The following GMDS variants were observed in gnomAD, a reference collection of about 807,000 sequenced individuals.
The protein encoded by GMDS is GDP-mannose 4,6 dehydratase.
A neutral mutation model predicts 49.9 loss-of-function variants in GMDS; 20 were observed. The ratio of observed to expected loss-of-function variants is 0.40; its 90% CI spans 0.28 to 0.58. The LOEUF is 0.58. GMDS is among the 20% of genes least tolerant of loss of function. The pLI is 0.42. For synonymous variants in GMDS, 177 were observed against 178.6 expected, an observed-to-expected ratio of 0.99 and a Z score of 0.07; for missense variants, 362 against 481.4, an observed-to-expected ratio of 0.75 and a Z score of 2.32.
At chr6:1,975,236 T>C (rs781200869) in intron 4 of GMDS, among the ~76,000 whole-genome samples, 13 of 152,168 alleles carry the variant, frequency 8.5e-5, no homozygotes, top group Non-Finnish European at 1.9e-4. Context: ...TCACGATTTT[T>C]ACAAAATTCT....
At chr6:1,987,849 C>T (rs527556624) in intron 4 of GMDS, among the ~76,000 whole-genome samples, 16 of 152,192 alleles carry the variant, frequency 1.1e-4, no homozygotes, top group Non-Finnish European at 1.5e-4. Context: ...TGCACTCTGC[C>T]ATTTAAGTAT....
intron 4 of GMDS, among the ~76,000 whole-genome samples, chr6:2,101,072 C>A (rs1157181641): frequency 6.6e-6 from 1 of 151,286 alleles, no homozygotes; most frequent in Non-Finnish European, 1.5e-5. Flanking sequence ...AAAAAGTGAG[C>A]ATTTAAGTGT....
At chr6:1,982,627 T>A (rs1765286966) in intron 4 of GMDS, among the ~76,000 whole-genome samples, 1 of 151,888 alleles carries the variant, frequency 6.6e-6, no homozygotes, top group Non-Finnish European at 1.5e-5. Flanking sequence ...CCATTCACAA[T>A]TGCCACAAAA....
At chr6:2,151,756 T>C (rs889910153) in intron 1 of GMDS, among the ~76,000 whole-genome samples, 1 of 152,132 alleles carries the variant, frequency 6.6e-6, no homozygotes, top group Non-Finnish European at 1.5e-5. Flanking sequence ...TCTTTAAGAA[T>C]TTAAGACATC....
chr6:1,796,067 T>C (rs1166600129), intron 7 of GMDS, among the ~76,000 whole-genome samples: 2 of 152,136 alleles, frequency 1.3e-5, no homozygotes, highest in South Asian at 2.1e-4. Flanking sequence ...CTTCTCCCCA[T>C]GTAAGCACAG....
At chr6:2,230,950 C>CCCG (rs1554100756) in intron 1 of GMDS, among the ~76,000 whole-genome samples, 3 of 99,374 alleles carry the variant, frequency 3.0e-5, no homozygotes, top group African/African-American at 1.2e-4. Context: ...CACCCCCCCC[C>CCCG]CCCGTTCCTT....
chr6:1,754,830 C>A, intron 7 of GMDS, among the ~76,000 whole-genome samples: 1 of 152,286 alleles, frequency 6.6e-6, no homozygotes, highest in South Asian at 2.1e-4. Context: ...AATCAACACC[C>A]CTTCATGCTA....
At chr6:2,128,270 G>A (rs899442345) in intron 1 of GMDS, among the ~76,000 whole-genome samples, 35 of 151,624 alleles carry the variant, frequency 2.3e-4, no homozygotes, top group African/African-American at 8.0e-4. Context: ...CATCTCACAG[G>A]TTCCAGTGAT....
intron 7 of GMDS, among the ~76,000 whole-genome samples, chr6:1,851,664 T>C (rs1272065274): frequency 6.6e-6 from 1 of 152,170 alleles, no homozygotes; most frequent in Non-Finnish European, 1.5e-5. Flanking sequence ...TATTCCAGTA[T>C]TGGGGAGCTT....
At chr6:2,023,724 TG>T (rs1353098028) in intron 4 of GMDS, among the ~76,000 whole-genome samples, 1 of 152,114 alleles carries the variant, frequency 6.6e-6, no homozygotes, top group Admixed American at 6.6e-5. Flanking sequence ...TATCCCCAAA[TG>T]GGTAAGGTGA....
chr6:1,643,023 A>AG (rs1179095355), intron 9 of GMDS, among the ~76,000 whole-genome samples: 1 of 152,124 alleles, frequency 6.6e-6, no homozygotes, highest in Non-Finnish European at 1.5e-5. Context: ...TCTGCTGACG[A>AG]GGGGGGCATC....
At chr6:1,798,204 A>G (rs1159030513) in intron 7 of GMDS, among the ~76,000 whole-genome samples, 2 of 151,378 alleles carry the variant, frequency 1.3e-5, no homozygotes, top group South Asian at 2.1e-4. Context: ...CCTTGCTTAA[A>G]TTTTGATGTA....
chr6:2,108,395 T>C (rs990524375), intron 4 of GMDS, among the ~76,000 whole-genome samples: 1 of 152,150 alleles, frequency 6.6e-6, no homozygotes, highest in Non-Finnish European at 1.5e-5. Context: ...TGAATTAAAT[T>C]GTACTACCCT....
intron 9 of GMDS, among the ~76,000 whole-genome samples, chr6:1,684,142 C>T (rs1764890725): frequency 6.6e-6 from 1 of 152,150 alleles, no homozygotes; most frequent in Non-Finnish European, 1.5e-5. Context: ...GCCTCAGCTT[C>T]CTCCTTGGTG....
intron 7 of GMDS, among the ~76,000 whole-genome samples, chr6:1,918,967 T>C (rs571370936): frequency 2.0e-5 from 3 of 152,212 alleles, no homozygotes; most frequent in African/African-American, 4.8e-5. Flanking sequence ...GGTAAGATCA[T>C]ATTCTGGGGG....
At position 1,630,905 on chromosome 6, in the gene GMDS, A is replaced by G. The variant is rs555714873; in HGVS notation, c.988-6365T>C. Among the ~76,000 whole-genome samples the G allele has an allele frequency of 5.9e-5, 9 of 151,952 alleles. No individual in the cohort carries two copies. In the South Asian group the frequency reaches 1.9e-3, roughly 32 times the overall value. On this transcript the variant is annotated intron_variant, in intron 9 of 10. Transcript: ENST00000380815. ...GGGGGGTGGCTGACTCATAGTTGTG[A>G]TGCGGGGGCCATTTAATGAAAAGGA...
chr6:2,152,382 C>T (rs1164994110), intron 1 of GMDS, among the ~76,000 whole-genome samples: 4 of 152,046 alleles, frequency 2.6e-5, no homozygotes, highest in Non-Finnish European at 5.9e-5. Context: ...GATGATATAA[C>T]TGTATACCTA....
At chr6:2,102,160 G>T (rs946413083) in intron 4 of GMDS, among the ~76,000 whole-genome samples, 1 of 151,912 alleles carries the variant, frequency 6.6e-6, no homozygotes, top group African/African-American at 2.4e-5. Flanking sequence ...GTTATAAAAT[G>T]CCAATAAAAC....
At chr6:2,075,729 GT>G (rs1772298623) in intron 4 of GMDS, among the ~76,000 whole-genome samples, 1 of 152,192 alleles carries the variant, frequency 6.6e-6, no homozygotes, top group African/African-American at 2.4e-5. Context: ...GTGTGCATGT[GT>G]CTTTATAGCA....
Sources: allele counts gnomAD v4.1 joint callset (sites outside exome capture counted in the v4.1 genomes callset), GRCh38; gene constraint gnomAD v4.1.1; transcripts MANE v1.5; gene names NCBI Gene and HGNC (gene_info 2026-07-23, HGNC 2026-07-21).